Variants in WDR7 observed in about 807,000 individuals in gnomAD.
WDR7 encodes WD repeat domain 7.
In WDR7, 46 loss-of-function variants were observed where a neutral mutation model predicts 169.4. The ratio of observed to expected loss-of-function variants is 0.27; its 90% CI spans 0.21 to 0.35. The LOEUF (loss-of-function observed/expected upper bound fraction) is 0.35, where lower values mean the gene tolerates loss of function less well. WDR7 is among the 10% of genes least tolerant of loss of function. WDR7 has a pLI of 1.00. For synonymous variants in WDR7, 612 were observed against 666.8 expected (o/e 0.92, Z 1.27); for missense variants, 1,534 against 1,859.3 (o/e 0.83, Z 3.22).
chr18:56,938,677 G>A lies in WDR7; in HGVS notation c.3976G>A (p.Val1326Met), dbSNP rs150587452. Residue 1326 changes from valine (V) to methionine (M), a missense_variant, in exon 24 of 28, where the codon GTG (valine) becomes ATG (methionine). Val to Met is a conservative substitution (Grantham distance 21, BLOSUM62 1). Coordinates refer to ENST00000254442, the MANE Select transcript of WDR7 (RefSeq NM_015285.3). ...KMPTDVVDLL[V>M]EVMDIIMYCL... ...GCCCACAGATGTTGTGGATCTTCTC[G>A]TGGAGGTAAGAATATCCTGTTTTAA... 48 of 1,613,368 alleles carry A rather than the reference G, an allele frequency of 3.0e-5. No individual in the cohort carries two copies. The highest frequency in any genetic ancestry group is 3.3e-5 in the South Asian group (3 of 90,960).
intron 19 of WDR7, among the ~76,000 whole-genome samples, chr18:56,791,992 A>AT (rs141664781): frequency 0.11 from 16,930 of 150,410 alleles, 1,433 homozygotes; most frequent in African/African-American, 0.24. Context: ...GAAAAATACA[A>AT]TTTTTTTTTT....
At chr18:57,002,400 A>G (rs1252895053) in intron 26 of WDR7, among the ~76,000 whole-genome samples, 1 of 152,204 alleles carries the variant, frequency 6.6e-6, no homozygotes, top group Non-Finnish European at 1.5e-5. Context: ...TAATTATCAT[A>G]AAAACTAGGA....
intron 23 of WDR7, among the ~76,000 whole-genome samples, chr18:56,937,712 G>A (rs2046978871): frequency 6.6e-6 from 1 of 152,166 alleles, no homozygotes; most frequent in Non-Finnish European, 1.5e-5. Context: ...CTGGGACACA[G>A]TGAGTGTGGT....
intron 20 of WDR7, among the ~76,000 whole-genome samples, chr18:56,851,733 A>G (rs1201099287): frequency 6.6e-6 from 1 of 152,206 alleles, no homozygotes; most frequent in African/African-American, 2.4e-5. Context: ...AGTTCATATT[A>G]AGATTCTTAA....
intron 24 of WDR7, 88 bp downstream of exon 24, chr18:56,938,770 C>A: frequency 6.8e-7 from 1 of 1,469,810 alleles, no homozygotes; most frequent in Non-Finnish European, 9.2e-7. Context: ...TTATTTCCAG[C>A]ATCTCTAAAA....
At chr18:56,696,570 A>G (rs2025709021) in intron 12 of WDR7, 108 bp downstream of exon 12, 1 of 975,966 alleles carries the variant, frequency 1.0e-6, no homozygotes, top group Admixed American at 3.0e-5. Flanking sequence ...GTGACAAGAT[A>G]ATTAAGAAAA....
At chr18:56,715,586 C>A (rs2026173666) in intron 12 of WDR7, among the ~76,000 whole-genome samples, 2 of 152,008 alleles carry the variant, frequency 1.3e-5, no homozygotes, top group Admixed American at 1.3e-4. Flanking sequence ...GTAGTCCTAG[C>A]ACTTTGGGAG....
At chr18:56,676,701 T>G (rs2025251255) in intron 2 of WDR7, among the ~76,000 whole-genome samples, 1 of 152,054 alleles carries the variant, frequency 6.6e-6, no homozygotes, top group African/African-American at 2.4e-5. Context: ...TTTTAACTTT[T>G]TTTTTTGTTT....
rs187562838 is a variant in WDR7 at position 56,861,247 on chromosome 18, C to T, written c.3305-18697C>T. Among the ~76,000 whole-genome samples the T allele has an allele frequency of 1.2e-3, 177 of 152,184 alleles. 1 individual carries two copies. The highest frequency in any genetic ancestry group is 4.1e-3 in the African/African-American group (170 of 41,550). On this transcript the variant is annotated intron_variant, in intron 20 of 27. Transcript: ENST00000254442. The stretch of plus-strand genomic sequence containing the variant: ...GCAATTAAACTGCCTTTTTTCATGC[C>T]GGCGTGTGAGCCGCCCTTTCACAAC...
At chr18:56,734,907 T>G (rs2026666910) in intron 14 of WDR7, among the ~76,000 whole-genome samples, 1 of 152,106 alleles carries the variant, frequency 6.6e-6, no homozygotes, top group South Asian at 2.1e-4. Context: ...TACATACTAG[T>G]GAAAAATGAT....
chr18:56,952,795 GAAATGCATATTACT>G (rs551502593), intron 25 of WDR7, among the ~76,000 whole-genome samples: 23 of 152,280 alleles, frequency 1.5e-4, no homozygotes, highest in South Asian at 1.0e-3. Context: ...AAGACATGGA[GAAATGCATATTACT>G]AAATGCATAT....
intron 13 of WDR7, among the ~76,000 whole-genome samples, chr18:56,724,029 G>T (rs956563651): frequency 6.6e-5 from 10 of 151,270 alleles, no homozygotes; most frequent in Non-Finnish European, 1.0e-4. Context: ...CTTGATTTTG[G>T]TACTTTAATA....
At chr18:56,686,406 A>G (rs1433733313) in intron 6 of WDR7, among the ~76,000 whole-genome samples, 1 of 152,136 alleles carries the variant, frequency 6.6e-6, no homozygotes, top group Non-Finnish European at 1.5e-5. Flanking sequence ...CATCTATTTC[A>G]GTTCTTTGGG....
chr18:56,651,676 T>C (rs935212834), intron 1 of WDR7, 100 bp downstream of exon 1: 11 of 152,414 alleles, frequency 7.2e-5, no homozygotes, highest in African/African-American at 2.7e-4. Flanking sequence ...AAACCCGCTC[T>C]AGCCGGGGGC....
At chr18:56,685,412 T>A (rs17090313) in intron 5 of WDR7, among the ~76,000 whole-genome samples, 4,419 of 152,310 alleles carry the variant, frequency 0.029, 211 homozygotes, top group African/African-American at 0.1. Context: ...TGCTTTCCAA[T>A]GCTCATCCTC....
At position 57,013,183 on chromosome 18, in the gene WDR7, G is replaced by A. The variant is rs556388010; in HGVS notation, c.4165-7562G>A. 3.1e-3 allele frequency among the ~76,000 whole-genome samples: 469 copies of A among 152,178 alleles called. 1 individual carries two copies. Among genetic ancestry groups the A allele is most frequent in the Non-Finnish European group, 5.0e-3 (339 of 68,010 alleles). On this transcript the variant is annotated intron_variant, in intron 26 of 27. Coordinates refer to ENST00000254442, the MANE Select transcript of WDR7 (RefSeq NM_015285.3). Reference sequence around the variant, plus strand: ...AAGGAGGGCACAACCTAGATTCCTCGCATGCACAGTTCACAATAGGGTTTG... The same window carrying A: ...AAGGAGGGCACAACCTAGATTCCTCACATGCACAGTTCACAATAGGGTTTG...
chr18:56,859,700 A>G (rs1459351248), intron 20 of WDR7, among the ~76,000 whole-genome samples: 2 of 152,232 alleles, frequency 1.3e-5, no homozygotes, highest in African/African-American at 4.8e-5. Context: ...GTATAAATAT[A>G]TAAAATACAC....
intron 13 of WDR7, among the ~76,000 whole-genome samples, chr18:56,729,683 T>C (rs910536435): frequency 1.3e-5 from 2 of 152,162 alleles, no homozygotes; most frequent in African/African-American, 2.4e-5. Flanking sequence ...CTATTACGAT[T>C]AAGACATTTA....
chr18:56,703,011 T>C (rs948800721), intron 12 of WDR7, among the ~76,000 whole-genome samples: 1 of 152,236 alleles, frequency 6.6e-6, no homozygotes, highest in Non-Finnish European at 1.5e-5. Context: ...ATAGGCTAAG[T>C]TCTTTAATAT....
Sources: gnomAD v4.1 joint callset for allele counts (sites outside exome capture counted in the v4.1 genomes callset) on GRCh38, gnomAD v4.1.1 for gene constraint, MANE v1.5 for transcripts, NCBI Gene and HGNC (gene_info 2026-07-23, HGNC 2026-07-21) for gene names.